KIRREL1: variants seen among roughly 807,000 people sequenced by gnomAD.
The protein encoded by KIRREL1 is kirre like nephrin family adhesion molecule 1, also known as kin of IRRE-like protein 1.
In KIRREL1, 25 loss-of-function variants were observed where a neutral mutation model predicts 83.3. That is an observed-to-expected ratio of 0.30 (90% CI 0.22 to 0.42). The LOEUF (loss-of-function observed/expected upper bound fraction) is 0.42, where lower values mean the gene tolerates loss of function less well. Ranked by LOEUF, KIRREL1 falls within the 10% of genes least tolerant of loss-of-function variation. The pLI is 1.00. For missense variants in KIRREL1, 812 were observed against 1,032.3 expected (o/e 0.79, Z 2.92); for synonymous variants, 388 against 410.4 (o/e 0.95, Z 0.66).
intron 1 of KIRREL1, among the ~76,000 whole-genome samples, chr1:158,060,891 G>A (rs1382605402): frequency 6.6e-6 from 1 of 152,134 alleles, no homozygotes; most frequent in Non-Finnish European, 1.5e-5. Context: ...GGGGGTGGCT[G>A]GATGAAATAC....
chr1:158,089,133 A>G (rs1210665521), intron 8 of KIRREL1, among the ~76,000 whole-genome samples: 1 of 152,184 alleles, frequency 6.6e-6, no homozygotes, highest in African/African-American at 2.4e-5. Context: ...AGAGACCCCC[A>G]TTAGACCATT....
intron 3 of KIRREL1, among the ~76,000 whole-genome samples, chr1:158,080,710 G>A (rs1281120127): frequency 6.6e-6 from 1 of 152,172 alleles, no homozygotes; most frequent in Non-Finnish European, 1.5e-5. Context: ...CCCGGGTGTG[G>A]CAGCAACATG....
intron 5 of KIRREL1, 62 bp from the exon 6 acceptor site, chr1:158,087,693 G>C (rs1304528330): frequency 8.2e-7 from 1 of 1,216,352 alleles, no homozygotes; most frequent in Non-Finnish European, 1.2e-6. Flanking sequence ...GTACGTGTTA[G>C]GGAGGGAAAA....
intron 4 of KIRREL1, 68 bp downstream of exon 4, chr1:158,084,647 G>A: frequency 2.0e-6 from 3 of 1,495,426 alleles, no homozygotes; most frequent in East Asian, 2.5e-5. Context: ...TTCCCACAGG[G>A]GTTTCACCAC....
At chr1:158,068,071 CCTGGGAT>C (rs1661404517) in intron 1 of KIRREL1, among the ~76,000 whole-genome samples, 1 of 152,094 alleles carries the variant, frequency 6.6e-6, no homozygotes, top group African/African-American at 2.4e-5. Flanking sequence ...GCTTTGGCTT[CCTGGGAT>C]GAGAAAGGAC....
At position 158,098,829 on chromosome 1, in the gene KIRREL1, C is replaced by T. The variant is rs1662420469; in HGVS notation, c.*3709C>T. 6.6e-6 allele frequency: 1 copy of T among 152,234 alleles called. No homozygotes were observed. Among genetic ancestry groups the T allele is most frequent in the South Asian group, 2.1e-4 (1 of 4,834 alleles). The allele number at this position is 152,234 out of a possible 1,614,324, so 9.4% of individuals were successfully genotyped here. ...CTTATTCCAGCAGGGCTACTTTCCT[C>T]TTCACTCTGATGAGGGGAGCTTTAT... On this transcript the variant is annotated 3_prime_UTR_variant, in exon 15 of 15. Transcript: ENST00000359209.
intron 1 of KIRREL1, among the ~76,000 whole-genome samples, chr1:158,036,396 A>G (rs1660477205): frequency 6.6e-6 from 1 of 152,184 alleles, no homozygotes. Context: ...CGTGGAGAAT[A>G]TGCAGCTTTT....
In KIRREL1 at chr1:157,993,732, A is replaced by T; in HGVS notation, c.52+4A>T. On this transcript the variant is annotated splice_donor_region_variant and intron_variant, in intron 1 of 14. Coordinates refer to ENST00000359209, the MANE Select transcript of KIRREL1 (RefSeq NM_018240.7). ...CTCTCCGATACTTTCTCCCAAGGTAAGGGCCCCCAGCCCACCCCCGGACGC... is the reference window on the plus strand; with the variant it reads ...CTCTCCGATACTTTCTCCCAAGGTATGGGCCCCCAGCCCACCCCCGGACGC... 6.7e-7 allele frequency: 1 copy of T among 1,489,792 alleles called. No homozygotes were observed. Among genetic ancestry groups the T allele is most frequent in the South Asian group, 1.3e-5 (1 of 77,676 alleles). The allele number at this position is 1,489,792 out of a possible 1,614,324, so 92.3% of individuals were successfully genotyped here.
At chr1:158,067,548 TG>T (rs1364638639) in intron 1 of KIRREL1, among the ~76,000 whole-genome samples, 2 of 152,168 alleles carry the variant, frequency 1.3e-5, no homozygotes, top group Non-Finnish European at 2.9e-5. Flanking sequence ...ACATTAGAGA[TG>T]GGAAGGCCCT....
At chr1:158,057,211 C>T (rs1315106583) in intron 1 of KIRREL1, among the ~76,000 whole-genome samples, 1 of 152,090 alleles carries the variant, frequency 6.6e-6, no homozygotes, top group Non-Finnish European at 1.5e-5. Context: ...GACACCTCCA[C>T]TCAGCTTTAT....
At chr1:158,061,599 CAT>C (rs749040873) in intron 1 of KIRREL1, among the ~76,000 whole-genome samples, 3 of 152,196 alleles carry the variant, frequency 2.0e-5, no homozygotes, top group Admixed American at 2.0e-4. Flanking sequence ...TCATCAGTCA[CAT>C]GTTTCTGGCC....
chr1:158,078,872 C>T (rs751391258), intron 3 of KIRREL1, among the ~76,000 whole-genome samples: 7 of 152,154 alleles, frequency 4.6e-5, no homozygotes, highest in Non-Finnish European at 1.0e-4. Context: ...TGGTAACCCC[C>T]GAGGCCATTT....
At chr1:158,011,600 G>C (rs1159871461) in intron 1 of KIRREL1, among the ~76,000 whole-genome samples, 1 of 152,202 alleles carries the variant, frequency 6.6e-6, no homozygotes, top group Non-Finnish European at 1.5e-5. Flanking sequence ...CCTTTCTCAG[G>C]GGTAGGTCTG....
intron 1 of KIRREL1, among the ~76,000 whole-genome samples, chr1:158,069,301 C>CG (rs1661441456): frequency 8.4e-5 from 8 of 95,572 alleles, no homozygotes; most frequent in South Asian, 8.7e-4. Flanking sequence ...GTATGACGTA[C>CG]TTGTGTGTGT....
chr1:158,027,708 A>T (rs1031274132), intron 1 of KIRREL1, among the ~76,000 whole-genome samples: 1 of 152,260 alleles, frequency 6.6e-6, no homozygotes, highest in Admixed American at 6.5e-5. Context: ...AGAAATGAGG[A>T]TAATACACAG....
At chr1:158,011,212 T>C (rs1309515220) in intron 1 of KIRREL1, among the ~76,000 whole-genome samples, 2 of 152,160 alleles carry the variant, frequency 1.3e-5, no homozygotes, top group African/African-American at 4.8e-5. Context: ...CACTTTACAC[T>C]CGGTTTTCAA....
chr1:158,086,904 C>T (rs1374369294), intron 5 of KIRREL1, among the ~76,000 whole-genome samples, 158 bp downstream of exon 5: 2 of 152,118 alleles, frequency 1.3e-5, no homozygotes, highest in African/African-American at 4.8e-5. Flanking sequence ...CTGGATTGAA[C>T]CATGGGGACT....
At chr1:158,035,298 T>TCCAGATGCTGTA (rs1371837286) in intron 1 of KIRREL1, among the ~76,000 whole-genome samples, 3 of 152,150 alleles carry the variant, frequency 2.0e-5, no homozygotes, top group African/African-American at 7.2e-5. Context: ...AGAAGTGAGG[T>TCCAGATGCTGTA]CCAGATGCTG....
chr1:158,038,690 G>T (rs543820390), intron 1 of KIRREL1, among the ~76,000 whole-genome samples: 90 of 152,094 alleles, frequency 5.9e-4, no homozygotes, highest in Non-Finnish European at 9.3e-4. Flanking sequence ...TTAGCCCTGG[G>T]AGATCTCACA....
Sources: gnomAD v4.1 joint callset for allele counts (sites outside exome capture counted in the v4.1 genomes callset) on GRCh38, gnomAD v4.1.1 for gene constraint, MANE v1.5 for transcripts, NCBI Gene and HGNC (gene_info 2026-07-23, HGNC 2026-07-21) for gene names.